The following KCNJ4 variants were observed in gnomAD, a reference collection of about 807,000 sequenced individuals.
KCNJ4 encodes inward rectifier potassium channel 4.
A neutral mutation model predicts 25.6 loss-of-function variants in KCNJ4; 3 were observed. The observed-to-expected ratio is 0.12, with a 90% CI of 0.05 to 0.30. The LOEUF is 0.30. Ranked by LOEUF, KCNJ4 falls within the 10% of genes least tolerant of loss-of-function variation. The probability of loss-of-function intolerance (pLI) is 1.00; values close to 1 mark genes in which losing one functional copy is unlikely to be tolerated. For missense variants in KCNJ4, 286 were observed against 666.8 expected (o/e 0.43, Z 6.29); for synonymous variants, 257 against 283.9 (o/e 0.91, Z 0.95).
chr22:38,430,850 A>G (rs936873792), intron 1 of KCNJ4, among the ~76,000 whole-genome samples: 2 of 152,224 alleles, frequency 1.3e-5, no homozygotes, highest in African/African-American at 4.8e-5. Context: ...CTCATTTTAT[A>G]TCGGAGACCA....
intron 1 of KCNJ4, among the ~76,000 whole-genome samples, chr22:38,430,537 A>C (rs2093046562): frequency 6.6e-6 from 1 of 152,164 alleles, no homozygotes; most frequent in Non-Finnish European, 1.5e-5. Flanking sequence ...TGGGCCAATG[A>C]GATATCATGC....
At chr22:38,445,220 T>C (rs1461525819) in intron 1 of KCNJ4, among the ~76,000 whole-genome samples, 1 of 151,102 alleles carries the variant, frequency 6.6e-6, no homozygotes, top group South Asian at 2.1e-4. Flanking sequence ...TGGGGAGAGG[T>C]GGTGGCTCTG....
At chr22:38,453,526 T>TA (rs1382446287) in intron 1 of KCNJ4, among the ~76,000 whole-genome samples, 1 of 152,098 alleles carries the variant, frequency 6.6e-6, no homozygotes, top group Non-Finnish European at 1.5e-5. Flanking sequence ...CTCCACCCAC[T>TA]AGCTGTTCAT....
intron 1 of KCNJ4, among the ~76,000 whole-genome samples, chr22:38,429,743 G>T (rs1364081488): frequency 1.3e-5 from 2 of 152,218 alleles, no homozygotes; most frequent in African/African-American, 2.4e-5. Context: ...TGCGTCCCCA[G>T]GGAAGACATG....
rs537684307 is a variant in KCNJ4, at chr22:38,438,782, G to A, written c.-39-10611C>T. 2.0e-5 allele frequency among the ~76,000 whole-genome samples: 3 copies of A among 152,340 alleles called. No homozygotes were observed. In the East Asian group the frequency reaches 5.8e-4, roughly 29 times the overall value. ...AGAAGCTGCAGGAAGGCCAGGTTGTGGCTGTGAAGTGAGCCTGGGAGTGAG... is the reference window on the plus strand; with the variant it reads ...AGAAGCTGCAGGAAGGCCAGGTTGTAGCTGTGAAGTGAGCCTGGGAGTGAG... On this transcript the variant is annotated intron_variant, in intron 1 of 1. Coordinates refer to ENST00000303592, the MANE Select transcript of KCNJ4 (RefSeq NM_152868.3).
At position 38,427,679 on chromosome 22, in the gene KCNJ4, C is replaced by T. The variant is rs771856581; in HGVS notation, c.454G>A (p.Ala152Thr). ...VTEECPLAVI[A>T]VVVQSIVGCV... ...CCCACGATGGACTGGACCACCACAG[C>T]GATGACTGCCAGCGGGCACTCCTCT... Residue 152 changes from alanine (A) to threonine (T), a missense_variant, in exon 2 of 2, where the codon GCT (alanine) becomes ACT (threonine). Coordinates refer to ENST00000303592, the MANE Select transcript of KCNJ4 (RefSeq NM_152868.3). 4 of 1,613,036 alleles carry T rather than the reference C, an allele frequency of 2.5e-6. No homozygotes were observed. Among genetic ancestry groups the T allele is most frequent in the South Asian group, 1.1e-5 (1 of 91,082 alleles).
chr22:38,450,463 C>T (rs2089403950), intron 1 of KCNJ4, among the ~76,000 whole-genome samples: 1 of 152,230 alleles, frequency 6.6e-6, no homozygotes, highest in Admixed American at 6.5e-5. Context: ...CCAGGTCCCA[C>T]TGACCTCACC....
chr22:38,442,440 G>A (rs981495103), intron 1 of KCNJ4, among the ~76,000 whole-genome samples: 6 of 151,184 alleles, frequency 4.0e-5, no homozygotes, highest in East Asian at 4.0e-4. Context: ...CCAGCTACTC[G>A]GGAGGCTGAG....
At chr22:38,446,423 C>T (rs894101664) in intron 1 of KCNJ4, among the ~76,000 whole-genome samples, 1 of 148,942 alleles carries the variant, frequency 6.7e-6, no homozygotes, top group African/African-American at 2.6e-5. Flanking sequence ...CATGGCGGGG[C>T]TGGCACTCAG....
intron 1 of KCNJ4, among the ~76,000 whole-genome samples, chr22:38,441,876 A>T (rs2089337629): frequency 6.6e-6 from 1 of 152,256 alleles, no homozygotes; most frequent in African/African-American, 2.4e-5. Context: ...ACACAGACAG[A>T]AAAAGCCAGG....
At chr22:38,435,707 A>AG (rs2093063535) in intron 1 of KCNJ4, among the ~76,000 whole-genome samples, 2 of 152,058 alleles carry the variant, frequency 1.3e-5, no homozygotes, top group African/African-American at 4.8e-5. Context: ...AAAAAAAAAA[A>AG]AAAGAAATAG....
chr22:38,440,716 C>G (rs1436376214), intron 1 of KCNJ4, among the ~76,000 whole-genome samples: 1 of 152,026 alleles, frequency 6.6e-6, no homozygotes, highest in East Asian at 1.9e-4. Flanking sequence ...TTGGAGCTAC[C>G]AGGATGGTGG....
rs1413952283 is a variant in KCNJ4 at position 38,455,127 on chromosome 22, C to G, written c.-187G>C. On this transcript the variant is annotated 5_prime_UTR_variant, in exon 1 of 2. Transcript: ENST00000303592. ...ACTCGGCCGGCCGGCCCGCGCTCCC[C>G]TCCCCGGCTGCCGCTCGGTCTGCGC... 1.3e-5 allele frequency: 2 copies of G among 149,672 alleles called. No homozygotes were observed. Among genetic ancestry groups the G allele is most frequent in the South Asian group, 2.1e-4 (1 of 4,820 alleles). The allele number at this position is 149,672 out of a possible 1,614,324, so 9.3% of individuals were successfully genotyped here.
intron 1 of KCNJ4, among the ~76,000 whole-genome samples, chr22:38,442,679 C>T (rs775097701): frequency 5.3e-5 from 8 of 152,086 alleles, no homozygotes; most frequent in Non-Finnish European, 8.8e-5. Context: ...ACCCAGTGAA[C>T]AGGCATGCTG....
intron 1 of KCNJ4, among the ~76,000 whole-genome samples, chr22:38,445,596 G>A (rs886364235): frequency 5.9e-5 from 9 of 152,060 alleles, no homozygotes; most frequent in Admixed American, 5.2e-4. Context: ...CTCCCGCCTC[G>A]GCCTCCCAAC....
intron 1 of KCNJ4, among the ~76,000 whole-genome samples, chr22:38,453,839 C>T (rs954632471): frequency 2.0e-5 from 3 of 152,322 alleles, no homozygotes; most frequent in African/African-American, 7.2e-5. Context: ...GTGGAATGTT[C>T]TAGGCTCAGC....
intron 1 of KCNJ4, among the ~76,000 whole-genome samples, chr22:38,437,523 A>T (rs1046183907): frequency 2.6e-5 from 4 of 152,130 alleles, no homozygotes; most frequent in Admixed American, 6.5e-5. Flanking sequence ...GTTACTATGG[A>T]CTGCACGCTA....
rs2089355417 is a variant in KCNJ4, at chr22:38,443,907, T to C, written c.-40+11073A>G. Among the ~76,000 whole-genome samples the C allele has an allele frequency of 6.6e-6, 1 of 152,112 alleles. No individual in the cohort carries two copies. The highest frequency in any genetic ancestry group is 2.4e-5 in the African/African-American group (1 of 41,408). On this transcript the variant is annotated intron_variant, in intron 1 of 1. Coordinates refer to ENST00000303592, the MANE Select transcript of KCNJ4 (RefSeq NM_152868.3). The surrounding 1 kb of genome is among the most constrained non-coding windows in gnomAD (Gnocchi z 4.1). ...CGCCTCAGAGAGGTCCTGCCCTCTC[T>C]GACTGCACCCCCTCCACTCTCCAAC...
chr22:38,446,990 ACCCTTACGGGGCAGGGGGT>A (rs2089379373), intron 1 of KCNJ4, among the ~76,000 whole-genome samples: 93 of 150,114 alleles, frequency 6.2e-4, no homozygotes, highest in African/African-American at 2.1e-3. Flanking sequence ...GCAAACGCCC[ACCCTTACGGGGCAGGGGGT>A]AAAGGCTCAG....
Sources: gnomAD v4.1 joint callset for allele counts (sites outside exome capture counted in the v4.1 genomes callset) on GRCh38, gnomAD v4.1.1 for gene constraint, Gnocchi (gnomAD v3.1) non-coding constraint, MANE v1.5 for transcripts, NCBI Gene and HGNC (gene_info 2026-07-23, HGNC 2026-07-21) for gene names.